Variants in NAALADL2 observed in about 807,000 individuals in gnomAD.
The protein encoded by NAALADL2 is N-acetylated alpha-linked acidic dipeptidase like 2.
Under a neutral mutation model 87.2 loss-of-function variants are expected in NAALADL2, and 76 were observed. The ratio of observed to expected loss-of-function variants is 0.87; its 90% CI spans 0.72 to 1.05. The LOEUF is 1.05. Ranked by LOEUF, NAALADL2 falls within the 50% of genes least tolerant of loss-of-function variation. NAALADL2 has a pLI of 0.00. For synonymous variants in NAALADL2, 354 were observed against 331.0 expected (o/e 1.07, Z -0.75); for missense variants, 1,089 against 945.8 (o/e 1.15, Z -1.99).
At chr3:174,949,813 T>C (rs891520700) in intron 1 of NAALADL2, among the ~76,000 whole-genome samples, 9 of 152,216 alleles carry the variant, frequency 5.9e-5, no homozygotes, top group African/African-American at 2.2e-4. Flanking sequence ...TCACTGCTAT[T>C]CGGAAGAAGA....
chr3:175,039,144 A>C (rs959277358), intron 1 of NAALADL2, among the ~76,000 whole-genome samples: 2 of 152,124 alleles, frequency 1.3e-5, no homozygotes, highest in Non-Finnish European at 2.9e-5. Flanking sequence ...TTTTTTATAA[A>C]GTTTCAGCTA....
chr3:174,601,105 G>T (rs1718413834), intron 2 of NAALADL2, among the ~76,000 whole-genome samples: 1 of 152,078 alleles, frequency 6.6e-6, no homozygotes, highest in South Asian at 2.1e-4. Context: ...TTTCATAGAA[G>T]TACAGATATC....
chr3:175,787,418 G>C (rs570957185), intron 13 of NAALADL2, among the ~76,000 whole-genome samples: 2 of 152,166 alleles, frequency 1.3e-5, no homozygotes, highest in Non-Finnish European at 2.9e-5. Context: ...CTTGTGGTGC[G>C]CCGTTTTTTA....
intron 13 of NAALADL2, among the ~76,000 whole-genome samples, chr3:175,763,623 G>A (rs886340042): frequency 6.6e-6 from 1 of 152,098 alleles, no homozygotes; most frequent in Non-Finnish European, 1.5e-5. Flanking sequence ...AAAGCAATGG[G>A]ATTTCAAAAC....
intron 1 of NAALADL2, among the ~76,000 whole-genome samples, chr3:175,061,549 T>C (rs1412761448): frequency 2.0e-5 from 3 of 151,950 alleles, no homozygotes; most frequent in Non-Finnish European, 4.4e-5. Context: ...GTACTCTAGA[T>C]TGTTCCATGG....
chr3:175,447,838 G>C (rs1475993095), intron 6 of NAALADL2, among the ~76,000 whole-genome samples: 1 of 152,184 alleles, frequency 6.6e-6, no homozygotes, highest in Non-Finnish European at 1.5e-5. Flanking sequence ...GATGCTTCTT[G>C]TACTGCAGTG....
chr3:175,759,540 T>C (rs531688918), intron 13 of NAALADL2, among the ~76,000 whole-genome samples: 1 of 151,922 alleles, frequency 6.6e-6, no homozygotes, highest in Non-Finnish European at 1.5e-5. Flanking sequence ...GTATTTTTAG[T>C]AGAGACGGGG....
At chr3:174,543,864 C>G (rs1560043784) in intron 1 of NAALADL2, among the ~76,000 whole-genome samples, 1 of 151,828 alleles carries the variant, frequency 6.6e-6, no homozygotes, top group South Asian at 2.1e-4. Context: ...AAAAATGTGC[C>G]GAGCGTGGTG....
At chr3:175,700,585 C>T (rs1349283619) in intron 11 of NAALADL2, among the ~76,000 whole-genome samples, 2 of 151,952 alleles carry the variant, frequency 1.3e-5, no homozygotes, top group African/African-American at 2.4e-5. Context: ...AAAGCAAGAG[C>T]TTTTACTACC....
At chr3:175,786,764 AG>A (rs1560013083) in intron 13 of NAALADL2, among the ~76,000 whole-genome samples, 1 of 146,360 alleles carries the variant, frequency 6.8e-6, no homozygotes, top group African/African-American at 2.6e-5. Flanking sequence ...CCTTTGGAGG[AG>A]GAGGAGGAGG....
intron 2 of NAALADL2, among the ~76,000 whole-genome samples, chr3:174,637,212 G>C (rs556301699): frequency 1.3e-5 from 2 of 152,072 alleles, no homozygotes. Context: ...GATTGATTAT[G>C]GGTAGAAGCA....
chr3:175,672,571 C>G (rs2149848347), intron 11 of NAALADL2, among the ~76,000 whole-genome samples: 1 of 152,206 alleles, frequency 6.6e-6, no homozygotes, highest in South Asian at 2.1e-4. Context: ...ATTACAAAAT[C>G]TAAACTTCAA....
At chr3:174,914,491 T>C (rs1286694506) in intron 1 of NAALADL2, among the ~76,000 whole-genome samples, 1 of 152,188 alleles carries the variant, frequency 6.6e-6, no homozygotes, top group Non-Finnish European at 1.5e-5. Flanking sequence ...TCTCTAGTTT[T>C]AGACTTTGAG....
intron 2 of NAALADL2, among the ~76,000 whole-genome samples, chr3:175,213,478 G>A (rs1433591719): frequency 1.3e-5 from 2 of 152,196 alleles, no homozygotes; most frequent in South Asian, 4.2e-4. Context: ...TGGGAAATTA[G>A]GCATTTGATA....
At chr3:174,744,418 C>A (rs1311299820) in intron 3 of NAALADL2, among the ~76,000 whole-genome samples, 3 of 152,000 alleles carry the variant, frequency 2.0e-5, no homozygotes, top group South Asian at 2.1e-4. Context: ...AATATATATG[C>A]ACCCAACACA....
chr3:175,013,142 G>GAATATA lies in NAALADL2; in HGVS notation c.44-83648_44-83647insAATATA. ...AATATACATATTTATATATAAATATGTAATACATATTTATATATAAATATG... is the reference window on the plus strand; with the variant it reads ...AATATACATATTTATATATAAATATGAATATATAATACATATTTATATATAAATATG... On this transcript the variant is annotated intron_variant, in intron 1 of 13. Coordinates refer to ENST00000454872, the MANE Select transcript of NAALADL2 (RefSeq NM_207015.3). 2.8e-5 allele frequency among the ~76,000 whole-genome samples: 2 copies of GAATATA among 71,360 alleles called. 1 individual carries two copies. Among genetic ancestry groups the GAATATA allele is most frequent in the East Asian group, 7.3e-4 (2 of 2,750 alleles). 46.8% of individuals were successfully genotyped at this position (71,360 alleles called of 152,430 possible).
intron 9 of NAALADL2, among the ~76,000 whole-genome samples, chr3:175,512,560 T>C (rs1731306771): frequency 1.3e-5 from 2 of 152,168 alleles, no homozygotes; most frequent in Admixed American, 6.6e-5. Flanking sequence ...AAATGAAAAC[T>C]TCAGGTGATA....
chr3:175,351,231 T>C (rs1348404240), intron 5 of NAALADL2, among the ~76,000 whole-genome samples: 1 of 152,088 alleles, frequency 6.6e-6, no homozygotes, highest in African/African-American at 2.4e-5. Flanking sequence ...ATGATATATT[T>C]TTTGATTTTT....
At chr3:174,987,314 A>T (rs2108684384) in intron 1 of NAALADL2, among the ~76,000 whole-genome samples, 1 of 152,082 alleles carries the variant, frequency 6.6e-6, no homozygotes, top group Non-Finnish European at 1.5e-5. Flanking sequence ...TCACGCCTGT[A>T]ATCCCAGCAC....
Sources: gnomAD v4.1 joint callset for allele counts (sites outside exome capture counted in the v4.1 genomes callset) on GRCh38, gnomAD v4.1.1 for gene constraint, MANE v1.5 for transcripts, NCBI Gene and HGNC (gene_info 2026-07-23, HGNC 2026-07-21) for gene names.